DTNA: variants seen among roughly 807,000 people sequenced by gnomAD.
DTNA encodes the protein dystrobrevin alpha.
DTNA carries 43 observed loss-of-function variants against 100.7 expected under a neutral mutation model. The observed-to-expected ratio is 0.43, with a 90% CI of 0.33 to 0.55. The LOEUF is 0.55. Ranked by LOEUF, DTNA falls within the 20% of genes least tolerant of loss-of-function variation. The probability of loss-of-function intolerance (pLI) is 0.04; values close to 1 mark genes in which losing one functional copy is unlikely to be tolerated. For missense variants in DTNA, 798 were observed against 953.9 expected, an observed-to-expected ratio of 0.84 and a Z score of 2.15; for synonymous variants, 349 against 347.9, an observed-to-expected ratio of 1.00 and a Z score of -0.04.
intron 1 of DTNA, among the ~76,000 whole-genome samples, chr18:34,625,999 G>A (rs767708702): frequency 2.6e-5 from 4 of 152,160 alleles, no homozygotes; most frequent in South Asian, 2.1e-4. Flanking sequence ...CAAGGAATCC[G>A]GATTTGATCT....
chr18:34,867,429 A>G (rs1298222726), intron 17 of DTNA: 10 of 1,226,722 alleles, frequency 8.2e-6, no homozygotes, highest in Non-Finnish European at 1.0e-5. Context: ...CATAACACAT[A>G]CAGCCTGTAT....
At chr18:34,513,176 T>C (rs996910475) in intron 1 of DTNA, among the ~76,000 whole-genome samples, 3 of 152,112 alleles carry the variant, frequency 2.0e-5, no homozygotes, top group Non-Finnish European at 4.4e-5. Flanking sequence ...TGCACATTAC[T>C]GTGAGCTGGA....
intron 1 of DTNA, among the ~76,000 whole-genome samples, chr18:34,612,763 A>G (rs146546988): frequency 2.6e-5 from 4 of 152,284 alleles, no homozygotes; most frequent in Admixed American, 1.3e-4. Flanking sequence ...TTCCCCACCA[A>G]TGTGCCTTGT....
chr18:34,581,165 G>A (rs551524720), intron 1 of DTNA, among the ~76,000 whole-genome samples: 30 of 152,224 alleles, frequency 2.0e-4, no homozygotes, highest in African/African-American at 6.0e-4. Flanking sequence ...GGAGAATGGC[G>A]TGAACCCGGG....
At chr18:34,816,079 AG>A (rs1167745303) in intron 7 of DTNA, 65 bp downstream of exon 7, 2 of 1,490,168 alleles carry the variant, frequency 1.3e-6, no homozygotes, top group Non-Finnish European at 1.9e-6. Context: ...TTAGTTCTAC[AG>A]TTAGTAAGCC....
rs116574061 is a variant in DTNA at position 34,776,686 on chromosome 18, T to C, written c.148+10645T>C. Among the ~76,000 whole-genome samples the C allele has an allele frequency of 6.5e-3, 983 of 152,350 alleles. 5 individuals are homozygous for C. Among genetic ancestry groups the C allele is most frequent in the African/African-American group, 0.023 (941 of 41,592 alleles). ...CAAAATGAATTCAATCTCAAAGGGA[T>C]ATCTAAACCCAGATTAGATCTTGTC... On this transcript the variant is annotated intron_variant, in intron 3 of 22. Coordinates refer to ENST00000444659, the MANE Select transcript of DTNA (RefSeq NM_001386795.1).
At chr18:34,519,884 G>C (rs764307817) in intron 1 of DTNA, among the ~76,000 whole-genome samples, 1 of 152,168 alleles carries the variant, frequency 6.6e-6, no homozygotes, top group Non-Finnish European at 1.5e-5. Flanking sequence ...ATGATTTGCT[G>C]GAGGCACACC....
rs79392222 is a variant in DTNA, at chr18:34,781,388, G to A, written c.149-12649G>A. 3.3e-3 allele frequency among the ~76,000 whole-genome samples: 505 copies of A among 152,132 alleles called. 6 individuals are homozygous for A. The highest frequency in any genetic ancestry group is 0.012 in the African/African-American group (482 of 41,498). Reference sequence around the variant, plus strand: ...TATCTTACATACTTATCATTTCTTTGTGATTAGAGCATTTAAAATCTAATC... The same window carrying A: ...TATCTTACATACTTATCATTTCTTTATGATTAGAGCATTTAAAATCTAATC... On this transcript the variant is annotated intron_variant, in intron 3 of 22. Coordinates refer to ENST00000444659, the MANE Select transcript of DTNA (RefSeq NM_001386795.1).
chr18:34,610,016 A>G (rs1291616961), intron 1 of DTNA, among the ~76,000 whole-genome samples: 1 of 149,974 alleles, frequency 6.7e-6, no homozygotes, highest in Non-Finnish European at 1.5e-5. Context: ...ATTTTTGCCG[A>G]GATCTATATA....
chr18:34,539,719 G>C (rs935588593), intron 1 of DTNA, among the ~76,000 whole-genome samples: 7 of 151,700 alleles, frequency 4.6e-5, no homozygotes, highest in African/African-American at 1.7e-4. Flanking sequence ...TTTAGGGTAG[G>C]GTGTTTAAAG....
chr18:34,561,933 C>G (rs1000081767), intron 1 of DTNA, among the ~76,000 whole-genome samples: 2 of 152,120 alleles, frequency 1.3e-5, no homozygotes, highest in Admixed American at 6.6e-5. Flanking sequence ...TGTACCATGG[C>G]AATTATTAGA....
intron 16 of DTNA, among the ~76,000 whole-genome samples, chr18:34,862,887 G>A (rs979611498): frequency 4.6e-5 from 7 of 152,148 alleles, no homozygotes; most frequent in Admixed American, 3.9e-4. Context: ...GTGAGTCATT[G>A]ACCTAGCTCA....
intron 13 of DTNA, among the ~76,000 whole-genome samples, chr18:34,846,635 T>C (rs1166875441): frequency 6.6e-6 from 1 of 151,916 alleles, no homozygotes; most frequent in Admixed American, 6.6e-5. Flanking sequence ...GCAGAGATAA[T>C]GTAGACAGGA....
At chr18:34,541,654 T>C (rs1350433628) in intron 1 of DTNA, among the ~76,000 whole-genome samples, 1 of 152,090 alleles carries the variant, frequency 6.6e-6, no homozygotes, top group Non-Finnish European at 1.5e-5. Flanking sequence ...ATGTCTTTAT[T>C]AGCAGTGTGA....
At chr18:34,790,069 G>C (rs965940137) in intron 3 of DTNA, among the ~76,000 whole-genome samples, 6 of 152,184 alleles carry the variant, frequency 3.9e-5, no homozygotes, top group Admixed American at 3.9e-4. Flanking sequence ...ATTTTAGAAA[G>C]CAAATGCATC....
At chr18:34,829,372 A>G (rs1373898369) in intron 10 of DTNA, 28 bp from the exon 11 acceptor site, 1 of 1,534,884 alleles carries the variant, frequency 6.5e-7, no homozygotes, top group South Asian at 1.2e-5. Flanking sequence ...GGAAGTTTTA[A>G]TGAGGTCTCA....
chr18:34,606,744 C>A (rs2053200535), intron 1 of DTNA, among the ~76,000 whole-genome samples: 1 of 152,082 alleles, frequency 6.6e-6, no homozygotes, highest in Admixed American at 6.6e-5. Context: ...ATGGGAAGGG[C>A]TTTCAGGATT....
chr18:34,580,526 A>C (rs2048513460), intron 1 of DTNA, among the ~76,000 whole-genome samples: 1 of 152,120 alleles, frequency 6.6e-6, no homozygotes, highest in African/African-American at 2.4e-5. Flanking sequence ...TATGAATGTA[A>C]GCTTTGCTAT....
intron 3 of DTNA, among the ~76,000 whole-genome samples, chr18:34,787,999 C>T (rs758658325): frequency 6.6e-6 from 1 of 152,146 alleles, no homozygotes; most frequent in Non-Finnish European, 1.5e-5. Context: ...AAACCGTTGC[C>T]TTTCCTAGTA....
Sources: gnomAD v4.1 joint callset for allele counts (sites outside exome capture counted in the v4.1 genomes callset) on GRCh38, gnomAD v4.1.1 for gene constraint, MANE v1.5 for transcripts, NCBI Gene and HGNC (gene_info 2026-07-23, HGNC 2026-07-21) for gene names.